Variants in MAGI3 observed in about 807,000 individuals in gnomAD.
MAGI3 encodes the protein membrane associated guanylate kinase, WW and PDZ domain containing 3, also known as membrane-associated guanylate kinase, WW and PDZ domain-containing protein 3.
A neutral mutation model predicts 121.8 loss-of-function variants in MAGI3; 43 were observed. The ratio of observed to expected loss-of-function variants is 0.35; its 90% CI spans 0.28 to 0.46. MAGI3 has a LOEUF of 0.46. MAGI3 is among the 20% of genes least tolerant of loss of function. The pLI is 1.00. For missense variants in MAGI3, 1,547 were observed against 1,797.3 expected (o/e 0.86, Z 2.52); for synonymous variants, 553 against 639.3 (o/e 0.86, Z 2.04).
rs1653136270 is a variant in MAGI3 at position 113,651,107 on chromosome 1, G to A, written c.2341G>A (p.Val781Ile). The change falls in exon 14 of 21, where the codon GTT (valine) becomes ATT (isoleucine). Residue 781 changes from valine to isoleucine, a missense_variant. Val to Ile is a conservative substitution (Grantham distance 29). Transcript: ENST00000307546. ...ACTAATGTGCATTGATGGAATTCCT[G>A]TTAAAGGGAAATCACACAAACAAGT... ...DELMCIDGIP[V>I]KGKSHKQVLD... The A allele has an allele frequency of 1.9e-6, 3 of 1,614,054 alleles. No individual in the cohort carries two copies. The highest frequency in any genetic ancestry group is 2.7e-5 in the African/African-American group (2 of 74,938).
intron 2 of MAGI3, among the ~76,000 whole-genome samples, chr1:113,551,456 A>G (rs1659784583): frequency 1.3e-5 from 2 of 152,236 alleles, no homozygotes; most frequent in African/African-American, 4.8e-5. Flanking sequence ...TTCTACTGAC[A>G]AAGTTCAGAC....
chr1:113,605,131 T>C (rs768943502), intron 6 of MAGI3, among the ~76,000 whole-genome samples: 69 of 152,030 alleles, frequency 4.5e-4, no homozygotes, highest in Non-Finnish European at 6.9e-4. Context: ...CTTTTCACAG[T>C]TTCCTATGAG....
intron 1 of MAGI3, among the ~76,000 whole-genome samples, chr1:113,507,760 G>A (rs1657414575): frequency 6.6e-6 from 1 of 152,166 alleles, no homozygotes; most frequent in Non-Finnish European, 1.5e-5. Context: ...ACTGAATGGA[G>A]AGAACAGTTT....
At chr1:113,392,456 A>G (rs1002260242) in intron 1 of MAGI3, among the ~76,000 whole-genome samples, 6 of 152,272 alleles carry the variant, frequency 3.9e-5, no homozygotes, top group African/African-American at 1.4e-4. Flanking sequence ...TTAATATGTT[A>G]TCTCCTTCTC....
intron 1 of MAGI3, among the ~76,000 whole-genome samples, chr1:113,394,035 C>G (rs1650962769): frequency 6.6e-6 from 1 of 152,162 alleles, no homozygotes. Flanking sequence ...GAAGGATGAG[C>G]TGGGTTGTAG....
chr1:113,664,732 T>C (rs143540749), intron 16 of MAGI3, among the ~76,000 whole-genome samples: 1 of 152,340 alleles, frequency 6.6e-6, no homozygotes, highest in Non-Finnish European at 1.5e-5. Context: ...GCTTTTGAAT[T>C]TGCTAGCCTA....
intron 16 of MAGI3, among the ~76,000 whole-genome samples, chr1:113,668,772 C>T (rs1354740366): frequency 2.0e-5 from 3 of 150,592 alleles, no homozygotes; most frequent in Admixed American, 1.3e-4. Flanking sequence ...TTAGTAGAGA[C>T]GGGGTTTCAC....
intron 16 of MAGI3, among the ~76,000 whole-genome samples, chr1:113,668,997 A>G (rs977257325): frequency 1.1e-4 from 17 of 152,214 alleles, no homozygotes; most frequent in Non-Finnish European, 1.9e-4. Flanking sequence ...GATTACTTCT[A>G]TTGTCCTGCT....
intron 1 of MAGI3, among the ~76,000 whole-genome samples, chr1:113,476,874 T>G (rs904938290): frequency 6.6e-6 from 1 of 152,184 alleles, no homozygotes; most frequent in African/African-American, 2.4e-5. Context: ...TTTGTAGGTC[T>G]CTTAAGGACT....
At chr1:113,636,611 G>A (rs1353661246) in intron 9 of MAGI3, among the ~76,000 whole-genome samples, 3 of 152,018 alleles carry the variant, frequency 2.0e-5, no homozygotes, top group African/African-American at 4.8e-5. Context: ...TATAATTTCT[G>A]TTCTTTTACA....
rs762861027 is a variant in MAGI3 at position 113,642,284 on chromosome 1, T to C, written c.1734T>C (p.Thr578=). Residue 578 remains threonine, a synonymous_variant, in exon 10 of 21, where the codon ACT becomes ACC. Transcript: ENST00000307546. ...GCAGCTCCCAGCCTGAACTAGTGAC[T>C]ATCCCTTTGATTAAGGGCCCTAAAG... ...SSGSSQPELV[T]IPLIKGPKGF... The C allele has an allele frequency of 6.2e-7, 1 of 1,614,192 alleles. No homozygotes were observed.
At chr1:113,613,348 A>T (rs947062581) in intron 6 of MAGI3, among the ~76,000 whole-genome samples, 1 of 152,184 alleles carries the variant, frequency 6.6e-6, no homozygotes, top group Non-Finnish European at 1.5e-5. Flanking sequence ...ATCAATATAT[A>T]TGCAGAAAAG....
intron 6 of MAGI3, among the ~76,000 whole-genome samples, chr1:113,607,713 A>G (rs906705383): frequency 1.9e-4 from 29 of 152,208 alleles, no homozygotes; most frequent in African/African-American, 6.8e-4. Flanking sequence ...AAAAGGCTAC[A>G]TGATCAAAAA....
chr1:113,421,626 T>G (rs1652737565), intron 1 of MAGI3, among the ~76,000 whole-genome samples: 1 of 152,218 alleles, frequency 6.6e-6, no homozygotes, highest in Admixed American at 6.5e-5. Context: ...CTTCAGTATT[T>G]TAATAAATGT....
At chr1:113,532,703 A>T (rs1251256833) in intron 1 of MAGI3, among the ~76,000 whole-genome samples, 2 of 152,226 alleles carry the variant, frequency 1.3e-5, no homozygotes, top group Admixed American at 6.5e-5. Flanking sequence ...TTTAAAATTT[A>T]ACAAAGTATC....
In MAGI3 at chr1:113,606,026, C is replaced by T. The variant is rs551329729; in HGVS notation, c.1019-8575C>T. On this transcript the variant is annotated intron_variant, in intron 6 of 20. Coordinates refer to ENST00000307546, the MANE Select transcript of MAGI3 (RefSeq NM_001142782.2). Reference sequence around the variant, plus strand: ...TGTCACCCAGGTTGGAGTGCAGTGGCGCAATCTCTGCTCACTGCAGCCTCC... The same window carrying T: ...TGTCACCCAGGTTGGAGTGCAGTGGTGCAATCTCTGCTCACTGCAGCCTCC... Among the ~76,000 whole-genome samples, 11 of 152,032 alleles carry T rather than the reference C, an allele frequency of 7.2e-5. No individual in the cohort carries two copies. The South Asian group carries it at 1.7e-3, about 23-fold the overall frequency.
chr1:113,560,578 A>C (rs1660192588), intron 2 of MAGI3, among the ~76,000 whole-genome samples: 1 of 152,218 alleles, frequency 6.6e-6, no homozygotes, highest in Non-Finnish European at 1.5e-5. Flanking sequence ...GTGAGAACAA[A>C]AAGACAACAC....
intron 1 of MAGI3, among the ~76,000 whole-genome samples, chr1:113,423,157 C>T (rs1652812639): frequency 6.6e-6 from 1 of 150,544 alleles, no homozygotes; most frequent in Non-Finnish European, 1.5e-5. Flanking sequence ...CAGAGAAGAA[C>T]TTTATTGAGC....
intron 1 of MAGI3, among the ~76,000 whole-genome samples, chr1:113,401,301 G>A (rs372414350): frequency 5.9e-5 from 9 of 152,156 alleles, no homozygotes; most frequent in South Asian, 2.1e-4. Context: ...AATTGTTTGC[G>A]TGGGTGTTAA....
Sources: gnomAD v4.1 joint callset for allele counts (sites outside exome capture counted in the v4.1 genomes callset) on GRCh38, gnomAD v4.1.1 for gene constraint, MANE v1.5 for transcripts, NCBI Gene and HGNC (gene_info 2026-07-23, HGNC 2026-07-21) for gene names.